The following RIMBP2 variants were observed in gnomAD, a reference collection of about 807,000 sequenced individuals.
The protein encoded by RIMBP2 is RIMS-binding protein 2.
Under a neutral mutation model 118.6 loss-of-function variants are expected in RIMBP2, and 48 were observed. The observed-to-expected ratio is 0.40, with a 90% CI of 0.32 to 0.51. The LOEUF (loss-of-function observed/expected upper bound fraction) is 0.51. Ranked by LOEUF, RIMBP2 falls within the 20% of genes least tolerant of loss-of-function variation. The pLI is 0.41. For missense variants in RIMBP2, 1,551 were observed against 1,768.3 expected, an observed-to-expected ratio of 0.88 and a Z score of 2.20; for synonymous variants, 762 against 742.9, an observed-to-expected ratio of 1.03 and a Z score of -0.42.
chr12:130,399,383 C>A (rs1227591627), intron 22 of RIMBP2, among the ~76,000 whole-genome samples: 1 of 152,234 alleles, frequency 6.6e-6, no homozygotes, highest in East Asian at 1.9e-4. Context: ...GGAGCCATCC[C>A]CTTTTCACTC....
intron 1 of RIMBP2, among the ~76,000 whole-genome samples, chr12:130,713,992 G>A (rs1023605857): frequency 9.2e-5 from 14 of 152,300 alleles, no homozygotes; most frequent in African/African-American, 3.1e-4. Flanking sequence ...GCGGATTCCC[G>A]GCTCCTCCCC....
At chr12:130,539,346 G>A (rs1270870206) in intron 2 of RIMBP2, among the ~76,000 whole-genome samples, 2 of 152,168 alleles carry the variant, frequency 1.3e-5, no homozygotes, top group Admixed American at 6.5e-5. Context: ...GAATATGAAG[G>A]AGGAAACAAA....
rs1284470235 is a variant in RIMBP2, at chr12:130,396,229, TTAA to T, written c.*1129_*1131del. On this transcript the variant is annotated 3_prime_UTR_variant, in exon 23 of 23. Transcript: ENST00000690449. ...GAGCTTAACCACACATGGATTTCCT[TTAA>T]TAATAAATCTACCACATACTATTAT... 3.3e-5 allele frequency: 5 copies of T among 152,784 alleles called. No homozygotes were observed. The highest frequency in any genetic ancestry group is 9.6e-5 in the African/African-American group (4 of 41,578). 9.5% of individuals were successfully genotyped at this position (152,784 alleles called of 1,614,324 possible).
intron 3 of RIMBP2, among the ~76,000 whole-genome samples, chr12:130,515,787 T>C (rs922309548): frequency 1.3e-4 from 20 of 152,192 alleles, no homozygotes; most frequent in African/African-American, 4.8e-4. Flanking sequence ...AACCTCAACC[T>C]CCCAGGTTCA....
chr12:130,529,291 TC>T (rs2053132042), intron 2 of RIMBP2, among the ~76,000 whole-genome samples: 2 of 151,606 alleles, frequency 1.3e-5, no homozygotes, highest in South Asian at 4.2e-4. Context: ...GGGATGAACC[TC>T]AGAATGACAT....
At chr12:130,707,752 G>C (rs1251483074) in intron 1 of RIMBP2, among the ~76,000 whole-genome samples, 2 of 152,078 alleles carry the variant, frequency 1.3e-5, no homozygotes, top group African/African-American at 4.8e-5. Flanking sequence ...CAAGACCAGG[G>C]GTCTCTGGCC....
rs989025339 is a variant in RIMBP2 at position 130,621,709 on chromosome 12, G to T, written c.-217+6613C>A. On this transcript the variant is annotated intron_variant, in intron 2 of 22. Coordinates refer to ENST00000690449, the MANE Select transcript of RIMBP2 (RefSeq NM_001393629.1). The surrounding 1 kb of genome is among the most constrained non-coding windows in gnomAD (Gnocchi z 6.6). ...AGGGCCCGAGTTTACCAAGAGACAC[G>T]AGTGAAATGGATGATACCGAGACCT... Among the ~76,000 whole-genome samples, 3 of 152,210 alleles carry T rather than the reference G, an allele frequency of 2.0e-5. No homozygotes were observed. Among genetic ancestry groups the T allele is most frequent in the African/African-American group, 7.2e-5 (3 of 41,450 alleles).
intron 2 of RIMBP2, among the ~76,000 whole-genome samples, chr12:130,527,417 A>G (rs1593657686): frequency 6.6e-6 from 1 of 152,238 alleles, no homozygotes; most frequent in Non-Finnish European, 1.5e-5. Context: ...GATACATGCT[A>G]TTCCTGATCT....
Position 130,414,126 on chromosome 12 carries a change from T to C in RIMBP2, c.3419A>G (p.Lys1140Arg). 6.2e-7 allele frequency: 1 copy of C among 1,614,126 alleles called. No homozygotes were observed. The highest frequency in any genetic ancestry group is 8.5e-7 in the Non-Finnish European group (1 of 1,180,008). The part of the protein sequence containing the change: ...ELPFKEGQII[K>R]VYGDKDADGF... ...CGCCCGCAGGCAGCCATCCCGCACCTTGATGATCTGGCCTTCTTTAAAGGG... is the reference window on the plus strand; with the variant it reads ...CGCCCGCAGGCAGCCATCCCGCACCCTGATGATCTGGCCTTCTTTAAAGGG... Residue 1140 changes from lysine (K) to arginine (R), a missense_variant and splice_region_variant, in exon 18 of 23, where the codon AAG becomes AGG. Lys to Arg is a conservative substitution (Grantham distance 26). Coordinates refer to ENST00000690449, the MANE Select transcript of RIMBP2 (RefSeq NM_001393629.1).
At chr12:130,656,728 A>C (rs2063445734) in intron 1 of RIMBP2, among the ~76,000 whole-genome samples, 1 of 152,016 alleles carries the variant, frequency 6.6e-6, no homozygotes, top group South Asian at 2.1e-4. Context: ...ACTTTCTAAA[A>C]TTTATGTACT....
At chr12:130,554,643 C>T (rs545000006) in intron 2 of RIMBP2, among the ~76,000 whole-genome samples, 8 of 151,942 alleles carry the variant, frequency 5.3e-5, no homozygotes, top group African/African-American at 1.4e-4. Context: ...TTACGTGCTG[C>T]TCTACACATT....
chr12:130,421,139 G>A (rs1257683901), intron 17 of RIMBP2: 1 of 152,102 alleles, frequency 6.6e-6, no homozygotes, highest in African/African-American at 2.4e-5. Context: ...AAAGCCAGGA[G>A]AACCGATTTA....
At chr12:130,551,831 C>T (rs1027225140) in intron 2 of RIMBP2, among the ~76,000 whole-genome samples, 1 of 152,222 alleles carries the variant, frequency 6.6e-6, no homozygotes, top group Non-Finnish European at 1.5e-5. Context: ...CACAAAGGGG[C>T]CTTCCAGTCA....
chr12:130,607,943 G>A (rs1282252229), intron 2 of RIMBP2, among the ~76,000 whole-genome samples: 1 of 152,130 alleles, frequency 6.6e-6, no homozygotes, highest in Non-Finnish European at 1.5e-5. Context: ...TGGAGGGCCA[G>A]GCGCAGAAGG....
At chr12:130,529,498 A>T (rs2053154860) in intron 2 of RIMBP2, among the ~76,000 whole-genome samples, 1 of 152,210 alleles carries the variant, frequency 6.6e-6, no homozygotes, top group African/African-American at 2.4e-5. Context: ...TGGCTGGTAC[A>T]GGGTTTCCTT....
chr12:130,485,560 CATTTTGGCTTAATTCTGGCTA>C (rs2082403660), intron 4 of RIMBP2, among the ~76,000 whole-genome samples: 2 of 152,232 alleles, frequency 1.3e-5, no homozygotes, highest in Admixed American at 1.3e-4. Flanking sequence ...TTAATTCTGC[CATTTTGGCTTAATTCTGGCTA>C]ATTTTGTGCT....
intron 17 of RIMBP2, among the ~76,000 whole-genome samples, chr12:130,416,802 A>C (rs1418285876): frequency 6.6e-6 from 1 of 152,178 alleles, no homozygotes; most frequent in Non-Finnish European, 1.5e-5. Context: ...GGGAGAAAAT[A>C]TTTGCAAATT....
intron 2 of RIMBP2, among the ~76,000 whole-genome samples, chr12:130,518,679 C>T (rs2051742167): frequency 1.3e-5 from 2 of 152,132 alleles, no homozygotes; most frequent in South Asian, 2.1e-4. Context: ...CACAGGAACT[C>T]GGAGCTGCCA....
chr12:130,678,736 T>G (rs1373248808), intron 1 of RIMBP2, among the ~76,000 whole-genome samples: 1 of 152,236 alleles, frequency 6.6e-6, no homozygotes, highest in Admixed American at 6.5e-5. Flanking sequence ...CAGGCTGGTC[T>G]CGAACTCCTG....
Sources: gnomAD v4.1 joint callset for allele counts (sites outside exome capture counted in the v4.1 genomes callset) on GRCh38, gnomAD v4.1.1 for gene constraint, Gnocchi (gnomAD v3.1) non-coding constraint, MANE v1.5 for transcripts, NCBI Gene and HGNC (gene_info 2026-07-23, HGNC 2026-07-21) for gene names.